DNAI3: variants seen among roughly 807,000 people sequenced by gnomAD.
The protein encoded by DNAI3 is dynein axonemal intermediate chain 3, also known as WD repeat domain 63.
In DNAI3, 83 loss-of-function variants were observed where a neutral mutation model predicts 115.5. The ratio of observed to expected loss-of-function variants is 0.72; its 90% CI spans 0.60 to 0.86. DNAI3 has a LOEUF of 0.86. Among genes scored for constraint, DNAI3 ranks in the 40% least tolerant of loss-of-function variants. The probability of loss-of-function intolerance (pLI) is 0.00; values close to 1 mark genes in which losing one functional copy is unlikely to be tolerated. For synonymous variants in DNAI3, 320 were observed against 347.0 expected, an observed-to-expected ratio of 0.92 and a Z score of 0.86; for missense variants, 1,004 against 1,075.8, an observed-to-expected ratio of 0.93 and a Z score of 0.93.
intron 9 of DNAI3, chr1:85,093,949 C>G (rs1655055398): frequency 1.9e-6 from 1 of 536,394 alleles, no homozygotes. Flanking sequence ...GGGCTTGGGC[C>G]TGTTGCTCTC....
At chr1:85,113,732 G>A (rs1655724649) in intron 16 of DNAI3, among the ~76,000 whole-genome samples, 2 of 152,002 alleles carry the variant, frequency 1.3e-5, no homozygotes, top group Admixed American at 6.5e-5. Context: ...TAAAAAGCTA[G>A]CTGTGATTTT....
At chr1:85,117,468 C>T (rs1300225217) in intron 16 of DNAI3, among the ~76,000 whole-genome samples, 1 of 152,118 alleles carries the variant, frequency 6.6e-6, no homozygotes, top group East Asian at 1.9e-4. Context: ...TGTGTTTCAG[C>T]CCCCGAATTA....
At chr1:85,080,483 A>C (rs1260899863) in intron 3 of DNAI3, among the ~76,000 whole-genome samples, 1 of 152,196 alleles carries the variant, frequency 6.6e-6, no homozygotes, top group African/African-American at 2.4e-5. Flanking sequence ...ATAAGGGCAG[A>C]AAGGTGGTGC....
intron 5 of DNAI3, among the ~76,000 whole-genome samples, chr1:85,083,830 A>G (rs926638953): frequency 2.6e-5 from 4 of 152,064 alleles, no homozygotes; most frequent in Admixed American, 6.6e-5. Flanking sequence ...AAATTGTTAC[A>G]TATTGTTCTT....
In DNAI3 at chr1:85,126,685, A is replaced by T; in HGVS notation, c.2287A>T (p.Ile763Phe). Residue 763 changes from isoleucine to phenylalanine, a missense_variant, in exon 20 of 23, where the codon ATC (isoleucine) becomes TTC (phenylalanine). Physicochemically the swap from Ile to Phe is conservative, Grantham distance 21 (BLOSUM62 0). Around this residue, in one of 3 missense-constraint regions of DNAI3, gnomAD observed 429 missense variants for 454.3 expected, o/e 0.94. Coordinates refer to ENST00000294664, the MANE Select transcript of DNAI3 (RefSeq NM_145172.5). ...AQSQNICITM[I>F]TYIKPWIFSS... ...GTCTCAAAACATTTGCATAACTATGATCACCTACATCAAACCCTGGATCTT... is the reference window on the plus strand; with the variant it reads ...GTCTCAAAACATTTGCATAACTATGTTCACCTACATCAAACCCTGGATCTT... The T allele has an allele frequency of 1.2e-6, 2 of 1,614,160 alleles. No individual in the cohort carries two copies. Among genetic ancestry groups the T allele is most frequent in the Non-Finnish European group, 1.7e-6 (2 of 1,180,004 alleles).
chr1:85,097,556 AT>A lies in DNAI3; in HGVS notation c.1264-10del. On this transcript the variant is annotated splice_polypyrimidine_tract_variant and intron_variant, in intron 11 of 22. Transcript: ENST00000294664. Reference sequence around the variant, plus strand: ...TTCTGAAAAGGTTATGATAACATTTATTTCCATTTTAGATTGTCATGTGGGA... The same window carrying A: ...TTCTGAAAAGGTTATGATAACATTTATTCCATTTTAGATTGTCATGTGGGA... 2 of 1,594,678 alleles carry A rather than the reference AT, an allele frequency of 1.3e-6. No homozygotes were observed. Among genetic ancestry groups the A allele is most frequent in the Non-Finnish European group, 1.7e-6 (2 of 1,173,410 alleles).
Position 85,130,072 on chromosome 1 carries a change from A to G in DNAI3, c.2492A>G (p.Glu831Gly), listed in dbSNP as rs1406315831. Residue 831 changes from glutamate to glycine, a missense_variant, in exon 22 of 23, where the codon GAA becomes GGA. Physicochemically the swap from Glu to Gly is moderately conservative, Grantham distance 98 (BLOSUM62 -2). Around this residue, in one of 3 missense-constraint regions of DNAI3, gnomAD observed 429 missense variants for 454.3 expected, o/e 0.94. Coordinates refer to ENST00000294664, the MANE Select transcript of DNAI3 (RefSeq NM_145172.5). ...CAGCGCAAAAAAATTCGTGAGCAAG[A>G]AAAGAAAGAAATGGAACTAGAAATG... The part of the protein sequence containing the change: ...VEQRKKIREQ[E>G]KKEMELEMAK... 1.9e-6 allele frequency: 3 copies of G among 1,613,980 alleles called. No individual in the cohort carries two copies. The highest frequency in any genetic ancestry group is 3.3e-5 in the Admixed American group (2 of 60,014).
chr1:85,126,658 C>G lies in DNAI3; in HGVS notation c.2260C>G (p.Gln754Glu). ...TCTGGAGAAAACCCATGAACCAGCC[C>G]AGTCTCAAAACATTTGCATAACTAT... is the stretch of plus-strand genomic sequence containing the variant. ...DLLEKTHEPA[Q>E]SQNICITMIT... Residue 754 changes from glutamine to glutamate, a missense_variant, in exon 20 of 23, where the codon CAG becomes GAG. Gln to Glu is a conservative substitution (Grantham distance 29). Coordinates refer to ENST00000294664, the MANE Select transcript of DNAI3 (RefSeq NM_145172.5). 6.2e-7 allele frequency: 1 copy of G among 1,614,122 alleles called. No individual in the cohort carries two copies. The highest frequency in any genetic ancestry group is 8.5e-7 in the Non-Finnish European group (1 of 1,180,010).
chr1:85,119,963 G>T (rs1655942796), intron 17 of DNAI3, among the ~76,000 whole-genome samples: 1 of 152,204 alleles, frequency 6.6e-6, no homozygotes, highest in Non-Finnish European at 1.5e-5. Flanking sequence ...GACTCCCAAA[G>T]TGCTGGGATT....
chr1:85,126,656 C>T lies in DNAI3; in HGVS notation c.2258C>T (p.Ala753Val). The stretch of plus-strand genomic sequence containing the variant: ...CTTCTGGAGAAAACCCATGAACCAG[C>T]CCAGTCTCAAAACATTTGCATAACT... Reference protein sequence around the residue: ...WDLLEKTHEPAQSQNICITMI... With the variant: ...WDLLEKTHEPVQSQNICITMI... Residue 753 changes from alanine (A) to valine (V), a missense_variant, in exon 20 of 23, where the codon GCC becomes GTC. Physicochemically the swap from Ala to Val is moderately conservative, Grantham distance 64. Transcript: ENST00000294664. 1.9e-6 allele frequency: 3 copies of T among 1,614,082 alleles called. No individual in the cohort carries two copies. The highest frequency in any genetic ancestry group is 2.2e-5 in the South Asian group (2 of 91,084).
intron 22 of DNAI3, among the ~76,000 whole-genome samples, chr1:85,131,820 G>A (rs1207069735): frequency 6.6e-6 from 1 of 152,120 alleles, no homozygotes; most frequent in Non-Finnish European, 1.5e-5. Flanking sequence ...GGAGCGAGTA[G>A]AATTGTGGAT....
intron 22 of DNAI3, among the ~76,000 whole-genome samples, chr1:85,130,507 G>A (rs747221480): frequency 1.7e-4 from 26 of 152,170 alleles, no homozygotes; most frequent in Non-Finnish European, 3.5e-4. Context: ...GAGATTTGGA[G>A]CAAGGCTGTC....
intron 14 of DNAI3, among the ~76,000 whole-genome samples, chr1:85,105,948 A>G (rs569974097): frequency 1.1e-4 from 16 of 152,302 alleles, no homozygotes; most frequent in Admixed American, 9.2e-4. Context: ...TGGTTCCCCA[A>G]AGAACCACTA....
In DNAI3 at chr1:85,090,179, GAC is replaced by G; in HGVS notation, c.807_808del (p.Leu270GlnfsTer8). 6.3e-7 allele frequency: 1 copy of G among 1,592,368 alleles called. No homozygotes were observed. The highest frequency in any genetic ancestry group is 1.7e-4 in the Middle Eastern group (1 of 5,968). ...PREFSEEEKETLKQSKPLVDF... is the reference protein window; with the variant it reads ...PREFSEEEKEXLKQSKPLVDF... ...GAGAATTCTCAGAAGAGGAAAAAGA[GAC>G]ACTCAAACAATCAAAGCCTTTGGTT... On this transcript the variant is annotated frameshift_variant, in exon 8 of 23. Transcript: ENST00000294664. LOFTEE classifies it high-confidence loss of function.
chr1:85,103,707 C>A (rs751252400), intron 13 of DNAI3, among the ~76,000 whole-genome samples: 1 of 151,646 alleles, frequency 6.6e-6, no homozygotes, highest in Non-Finnish European at 1.5e-5. Flanking sequence ...GCCAACATAG[C>A]GAAACCCCGT....
chr1:85,085,767 T>C, intron 6 of DNAI3, 64 bp from the exon 7 acceptor site: 1 of 1,085,070 alleles, frequency 9.2e-7, no homozygotes, highest in Non-Finnish European at 1.3e-6. Flanking sequence ...CTGAGCAGAG[T>C]ACCAACATTG....
chr1:85,075,024 C>T (rs1185539558), intron 3 of DNAI3, among the ~76,000 whole-genome samples: 1 of 152,168 alleles, frequency 6.6e-6, no homozygotes, highest in Non-Finnish European at 1.5e-5. Flanking sequence ...TAGCACTTAT[C>T]ACAATTTGTA....
Position 85,133,045 on chromosome 1 carries a change from T to C in DNAI3, c.*47T>C. 2.5e-6 allele frequency: 4 copies of C among 1,573,690 alleles called. No individual in the cohort carries two copies. Among genetic ancestry groups the C allele is most frequent in the Non-Finnish European group, 3.4e-6 (4 of 1,165,982 alleles). ...TTTGGGGACTTCTTCCCTCTATTTA[T>C]TTTTATGTCAGGTGAACTGGCATGC... On this transcript the variant is annotated 3_prime_UTR_variant, in exon 23 of 23. Transcript: ENST00000294664.
chr1:85,116,137 C>T (rs1655810096), intron 16 of DNAI3, among the ~76,000 whole-genome samples: 1 of 152,144 alleles, frequency 6.6e-6, no homozygotes, highest in African/African-American at 2.4e-5. Flanking sequence ...GTGTACTTTC[C>T]TCATTGGTAA....
Sources: allele counts gnomAD v4.1 joint callset (sites outside exome capture counted in the v4.1 genomes callset), GRCh38; gene constraint gnomAD v4.1.1; regional missense constraint gnomAD v4.1.1; transcripts MANE v1.5; gene names NCBI Gene and HGNC (gene_info 2026-07-23, HGNC 2026-07-21).